Variants in SLC25A26 observed in about 807,000 individuals in gnomAD.
SLC25A26 encodes solute carrier family 25 member 26, also known as mitochondrial S-adenosylmethionine carrier protein.
In SLC25A26, 36 loss-of-function variants were observed where a neutral mutation model predicts 37.8. The observed-to-expected ratio is 0.95, with a 90% confidence interval of 0.73 to 1.26. The LOEUF is 1.26. Among genes scored for constraint, SLC25A26 ranks in the 50% most tolerant of loss-of-function variants. SLC25A26 has a pLI of 0.00. For synonymous variants in SLC25A26, 129 were observed against 122.5 expected, an observed-to-expected ratio of 1.05 and a Z score of -0.35; for missense variants, 390 against 331.1, an observed-to-expected ratio of 1.18 and a Z score of -1.38.
At chr3:66,336,798 A>G (rs765286060) in intron 5 of SLC25A26, among the ~76,000 whole-genome samples, 3 of 152,188 alleles carry the variant, frequency 2.0e-5, no homozygotes, top group Admixed American at 6.5e-5. Context: ...CAGGAAGCCA[A>G]TGAAAATAAG....
intron 9 of SLC25A26, chr3:66,371,553 G>C: frequency 1.8e-6 from 2 of 1,133,870 alleles, no homozygotes; most frequent in Non-Finnish European, 2.3e-6. Flanking sequence ...CGTTGGGGGT[G>C]TGAAGGGTGT....
intron 1 of SLC25A26, among the ~76,000 whole-genome samples, chr3:66,187,424 C>T (rs1409851977): frequency 2.6e-5 from 4 of 152,084 alleles, no homozygotes; most frequent in African/African-American, 7.2e-5. Flanking sequence ...TACCCTTACT[C>T]GGATTTGGCC....
intron 5 of SLC25A26, among the ~76,000 whole-genome samples, chr3:66,297,565 G>C (rs2107540759): frequency 6.6e-6 from 1 of 152,276 alleles, no homozygotes; most frequent in Admixed American, 6.5e-5. Flanking sequence ...TGTGCCTTTT[G>C]AAGTTGTTTA....
chr3:66,281,812 C>G (rs2107450921), intron 5 of SLC25A26, among the ~76,000 whole-genome samples: 1 of 146,414 alleles, frequency 6.8e-6, no homozygotes, highest in South Asian at 2.1e-4. Context: ...GTGACATTTC[C>G]CCGTTAGTCC....
chr3:66,200,002 T>C (rs983573709), intron 1 of SLC25A26, among the ~76,000 whole-genome samples: 12 of 152,198 alleles, frequency 7.9e-5, no homozygotes, highest in African/African-American at 2.9e-4. Flanking sequence ...AATATGAAAA[T>C]AATTTTCAGA....
intron 3 of SLC25A26, among the ~76,000 whole-genome samples, chr3:66,253,449 C>T (rs1166817191): frequency 6.6e-6 from 1 of 151,420 alleles, no homozygotes; most frequent in Non-Finnish European, 1.5e-5. Context: ...CTGGATTATC[C>T]ACGTGGGCCC....
intron 1 of SLC25A26, among the ~76,000 whole-genome samples, chr3:66,162,002 A>G (rs981216652): frequency 6.6e-6 from 1 of 152,210 alleles, no homozygotes; most frequent in African/African-American, 2.4e-5. Flanking sequence ...TGCCATAACA[A>G]AGTACTGCAG....
At chr3:66,187,404 C>A (rs2070849634) in intron 1 of SLC25A26, among the ~76,000 whole-genome samples, 1 of 152,112 alleles carries the variant, frequency 6.6e-6, no homozygotes, top group Non-Finnish European at 1.5e-5. Flanking sequence ...TTGCACCTAA[C>A]TCTCATCTTT....
intron 5 of SLC25A26, among the ~76,000 whole-genome samples, chr3:66,277,495 G>C (rs777539331): frequency 6.6e-6 from 1 of 151,930 alleles, no homozygotes; most frequent in Admixed American, 6.6e-5. Flanking sequence ...AGGATCAGCA[G>C]GTTCTGGGTA....
intron 5 of SLC25A26, among the ~76,000 whole-genome samples, chr3:66,338,571 C>T (rs2076141527): frequency 6.6e-6 from 1 of 151,964 alleles, no homozygotes; most frequent in Non-Finnish European, 1.5e-5. Context: ...CCATTTTAAA[C>T]ATTTAAAGTG....
chr3:66,155,864 A>T (rs894608083), intron 1 of SLC25A26, among the ~76,000 whole-genome samples: 11 of 152,176 alleles, frequency 7.2e-5, no homozygotes, highest in African/African-American at 2.4e-4. Flanking sequence ...CTTCAGTTGC[A>T]TACAGGCTCC....
At chr3:66,232,852 A>T (rs1010369427) in intron 1 of SLC25A26, among the ~76,000 whole-genome samples, 5 of 152,204 alleles carry the variant, frequency 3.3e-5, no homozygotes, top group Non-Finnish European at 4.4e-5. Context: ...TTTTATGAAA[A>T]TGATTAGTAC....
intron 1 of SLC25A26, among the ~76,000 whole-genome samples, chr3:66,175,408 A>T (rs915634459): frequency 1.3e-5 from 2 of 151,890 alleles, no homozygotes; most frequent in African/African-American, 4.8e-5. Flanking sequence ...TATTTTTGGT[A>T]GAGACACAGT....
At chr3:66,377,178 T>C (rs1284724239) in intron 9 of SLC25A26, among the ~76,000 whole-genome samples, 1 of 152,206 alleles carries the variant, frequency 6.6e-6, no homozygotes, top group Admixed American at 6.5e-5. Context: ...CCTTCTGTGA[T>C]ACCAAGGGGA....
In SLC25A26 at chr3:66,312,582, C is replaced by T. The variant is rs564117561; in HGVS notation, c.454-33782C>T. 8.5e-5 allele frequency among the ~76,000 whole-genome samples: 13 copies of T among 152,158 alleles called. No individual in the cohort carries two copies. The South Asian group carries it at 2.5e-3, about 29-fold the overall frequency. On this transcript the variant is annotated intron_variant, in intron 5 of 9. Transcript: ENST00000354883. ...AAAAAACTCCTGCACCTAGCTCTGC[C>T]CAAACAGCCACCCAGTTTTGTGCTT...
chr3:66,373,012 G>A (rs571531090), intron 9 of SLC25A26, among the ~76,000 whole-genome samples: 1 of 152,340 alleles, frequency 6.6e-6, no homozygotes, highest in Admixed American at 6.5e-5. Flanking sequence ...TGAAGACCTT[G>A]TTCTGGCGCA....
chr3:66,290,575 T>C (rs2074670998), intron 5 of SLC25A26, among the ~76,000 whole-genome samples: 4 of 152,214 alleles, frequency 2.6e-5, no homozygotes. Context: ...GAGATAATCA[T>C]GTGGTTTTTG....
chr3:66,283,392 T>G (rs1251181964), intron 5 of SLC25A26, among the ~76,000 whole-genome samples: 1 of 152,154 alleles, frequency 6.6e-6, no homozygotes, highest in Non-Finnish European at 1.5e-5. Flanking sequence ...GTGATCCTCC[T>G]ACCTCAGCTT....
intron 5 of SLC25A26, among the ~76,000 whole-genome samples, chr3:66,269,280 T>G (rs1326720107): frequency 1.3e-5 from 2 of 152,204 alleles, no homozygotes; most frequent in African/African-American, 4.8e-5. Context: ...CCTTGATATG[T>G]CTGCATTCAG....
Sources: allele counts gnomAD v4.1 joint callset (sites outside exome capture counted in the v4.1 genomes callset), GRCh38; gene constraint gnomAD v4.1.1; transcripts MANE v1.5; gene names NCBI Gene and HGNC (gene_info 2026-07-23, HGNC 2026-07-21).